Variants in TCF12 observed in about 807,000 individuals in gnomAD.
The protein encoded by TCF12 is DNA-binding protein HTF4.
Under a neutral mutation model 86.0 loss-of-function variants are expected in TCF12, and 45 were observed. The ratio of observed to expected loss-of-function variants is 0.52; its 90% CI spans 0.41 to 0.67. The LOEUF is 0.67. Ranked by LOEUF, TCF12 falls within the 30% of genes least tolerant of loss-of-function variation. TCF12 has a pLI of 0.00. For missense variants in TCF12, 881 were observed against 859.9 expected (o/e 1.02, Z -0.31); for synonymous variants, 330 against 299.6 (o/e 1.10, Z -1.05).
chr15:57,162,900 G>A (rs749282206), intron 5 of TCF12, among the ~76,000 whole-genome samples: 2 of 152,170 alleles, frequency 1.3e-5, no homozygotes, highest in Non-Finnish European at 2.9e-5. Flanking sequence ...TTGTGATGGA[G>A]TGTGGTGGCT....
At chr15:57,171,441 C>T (rs1279202512) in intron 6 of TCF12, among the ~76,000 whole-genome samples, 4 of 151,542 alleles carry the variant, frequency 2.6e-5, no homozygotes, top group East Asian at 1.9e-4. Context: ...TATTCACAAG[C>T]GACAAAAAAA....
chr15:57,247,167 A>G (rs2059904221), intron 13 of TCF12: 1 of 184,376 alleles, frequency 5.4e-6, no homozygotes, highest in African/African-American at 2.3e-5. Flanking sequence ...CACCACCACC[A>G]TATCCTTGGT....
At chr15:56,969,958 C>G (rs185542262) in intron 3 of TCF12, among the ~76,000 whole-genome samples, 1 of 152,166 alleles carries the variant, frequency 6.6e-6, no homozygotes, top group East Asian at 1.9e-4. Context: ...TTAATGGTGG[C>G]TGTGTGTGTG....
Position 57,232,832 on chromosome 15 carries a change from A to G in TCF12, c.946A>G (p.Ile316Val), listed in dbSNP as rs183184785. The change falls in exon 11 of 21, where the codon ATC (isoleucine) becomes GTC (valine). Residue 316 changes from isoleucine to valine, a missense_variant. Physicochemically the swap from Ile to Val is conservative, Grantham distance 29 (BLOSUM62 3). This residue lies in a region of TCF12 where 766 missense variants were observed against 718.9 expected (regional missense o/e 1.07). Coordinates refer to ENST00000333725, the MANE Select transcript of TCF12 (RefSeq NM_207037.2). ...CGTTGCTGCCTCACACACTCCTCCC[A>G]TCAATGGATCAGACAGCATTCTAGG... ...PYVAASHTPP[I>V]NGSDSILGTR... 8.6e-4 allele frequency: 1,382 copies of G among 1,605,110 alleles called. 12 individuals carry two copies. Among genetic ancestry groups the G allele is most frequent in the Non-Finnish European group, 2.4e-4 (281 of 1,175,778 alleles).
At chr15:56,959,270 C>T (rs1274742906) in intron 3 of TCF12, among the ~76,000 whole-genome samples, 1 of 152,150 alleles carries the variant, frequency 6.6e-6, no homozygotes, top group East Asian at 1.9e-4. Context: ...TTGATTTCTG[C>T]TACGAATATA....
intron 12 of TCF12, among the ~76,000 whole-genome samples, chr15:57,236,200 C>G (rs985629336): frequency 1.3e-5 from 2 of 152,178 alleles, no homozygotes; most frequent in Non-Finnish European, 2.9e-5. Context: ...TTCCTTCAAT[C>G]CATCTGCTTC....
At chr15:57,256,521 G>A (rs1303833753) in intron 16 of TCF12, among the ~76,000 whole-genome samples, 1 of 151,884 alleles carries the variant, frequency 6.6e-6, no homozygotes, top group Non-Finnish European at 1.5e-5. Flanking sequence ...GAAATAATGT[G>A]GTTTTACATT....
intron 8 of TCF12, among the ~76,000 whole-genome samples, chr15:57,226,354 G>A (rs2058878275): frequency 6.6e-6 from 1 of 151,862 alleles, no homozygotes; most frequent in Admixed American, 6.6e-5. Flanking sequence ...AATTATGATG[G>A]CAGGGCAAGT....
chr15:56,977,459 G>A (rs1431594327), intron 3 of TCF12, among the ~76,000 whole-genome samples: 1 of 152,168 alleles, frequency 6.6e-6, no homozygotes, highest in Non-Finnish European at 1.5e-5. Context: ...GTCTCAGTGA[G>A]CTAGAGGTTG....
chr15:57,168,667 G>C (rs1201390591), intron 6 of TCF12, among the ~76,000 whole-genome samples: 2 of 152,056 alleles, frequency 1.3e-5, no homozygotes, highest in African/African-American at 4.8e-5. Context: ...TCTGATCTTG[G>C]CTATAGTACT....
At position 57,042,072 on chromosome 15, in the gene TCF12, T is replaced by G. The variant is rs185489340; in HGVS notation, c.149-21678T>G. Among the ~76,000 whole-genome samples the G allele has an allele frequency of 9.8e-5, 15 of 152,352 alleles. No individual in the cohort carries two copies. The East Asian group carries it at 2.9e-3, about 29-fold the overall frequency. On this transcript the variant is annotated intron_variant, in intron 3 of 20. Coordinates refer to ENST00000333725, the MANE Select transcript of TCF12 (RefSeq NM_207037.2). ...TCTAGCCATTGCCTGCATGCCCATTTACTCAATTTAACTACAAAAGTACCT... is the reference window on the plus strand; with the variant it reads ...TCTAGCCATTGCCTGCATGCCCATTGACTCAATTTAACTACAAAAGTACCT...
intron 3 of TCF12, among the ~76,000 whole-genome samples, chr15:56,927,135 T>G (rs1203057673): frequency 6.6e-6 from 1 of 152,210 alleles, no homozygotes; most frequent in African/African-American, 2.4e-5. Context: ...AATTGGAGGA[T>G]AGTAGTGCTG....
At chr15:57,252,194 C>T in intron 14 of TCF12, 1 of 412,640 alleles carries the variant, frequency 2.4e-6, no homozygotes, top group Non-Finnish European at 4.3e-6. Context: ...GTTTGCTTCT[C>T]ATATATTTTG....
At chr15:57,174,776 G>A (rs28781690) in intron 6 of TCF12, among the ~76,000 whole-genome samples, 35,225 of 152,092 alleles carry the variant, frequency 0.23, 4,641 homozygotes, top group East Asian at 0.39. Context: ...ACTGCTTATA[G>A]TAGTATCCAA....
chr15:57,143,255 C>G (rs1403604955), intron 5 of TCF12, among the ~76,000 whole-genome samples: 1 of 149,860 alleles, frequency 6.7e-6, no homozygotes, highest in Non-Finnish European at 1.5e-5. Context: ...AAAATTCAAA[C>G]AGGGTCTGAA....
At chr15:57,173,035 G>A (rs1051678377) in intron 6 of TCF12, among the ~76,000 whole-genome samples, 1 of 152,026 alleles carries the variant, frequency 6.6e-6, no homozygotes, top group Non-Finnish European at 1.5e-5. Context: ...GCTGCAGTGC[G>A]CTGTTATTGC....
At chr15:57,181,258 G>GT (rs1223587397) in intron 6 of TCF12, among the ~76,000 whole-genome samples, 5 of 151,668 alleles carry the variant, frequency 3.3e-5, no homozygotes, top group East Asian at 2.0e-4. Flanking sequence ...TTCCCTTTCT[G>GT]TTTTTTTTAT....
At chr15:56,921,003 G>GAT (rs1567105342) in intron 2 of TCF12, 23 bp from the exon 3 acceptor site, 1 of 1,575,118 alleles carries the variant, frequency 6.3e-7, no homozygotes, top group Admixed American at 1.8e-5. Context: ...AGGACTAACA[G>GAT]ATATATTTGG....
At chr15:57,113,349 C>G (rs2050625375) in intron 5 of TCF12, among the ~76,000 whole-genome samples, 1 of 152,146 alleles carries the variant, frequency 6.6e-6, no homozygotes, top group Admixed American at 6.5e-5. Flanking sequence ...AGCAGCATAC[C>G]TTAGTACCAT....
Sources: allele counts gnomAD v4.1 joint callset (sites outside exome capture counted in the v4.1 genomes callset), GRCh38; gene constraint gnomAD v4.1.1; regional missense constraint gnomAD v4.1.1; transcripts MANE v1.5; gene names NCBI Gene and HGNC (gene_info 2026-07-23, HGNC 2026-07-21).